The following ERMARD variants were observed in gnomAD, a reference collection of about 807,000 sequenced individuals.
ERMARD encodes the protein ER membrane associated RNA degradation.
A neutral mutation model predicts 83.9 loss-of-function variants in ERMARD; 71 were observed. The observed-to-expected ratio is 0.85, with a 90% confidence interval of 0.70 to 1.03. ERMARD has a LOEUF of 1.03. ERMARD is among the 50% of genes least tolerant of loss of function. The pLI is 0.00. For synonymous variants in ERMARD, 284 were observed against 298.6 expected (o/e 0.95, Z 0.50); for missense variants, 838 against 810.9 (o/e 1.03, Z -0.41).
At chr6:169,773,292 T>C (rs1328052633) in intron 12 of ERMARD, 27 bp from the exon 13 acceptor site, 2 of 1,607,432 alleles carry the variant, frequency 1.2e-6, no homozygotes, top group South Asian at 2.2e-5. Context: ...CCAAACATGA[T>C]AGTAACCACT....
chr6:169,767,943 C>A, intron 10 of ERMARD, 160 bp from the exon 11 acceptor site: 1 of 616,406 alleles, frequency 1.6e-6, no homozygotes, highest in Non-Finnish European at 2.9e-6. Context: ...GAAAATATTT[C>A]CTGAACACCT....
chr6:169,777,806 A>G (rs1444645915), intron 16 of ERMARD, among the ~76,000 whole-genome samples: 1 of 150,778 alleles, frequency 6.6e-6, no homozygotes, highest in Non-Finnish European at 1.5e-5. Flanking sequence ...CAGCGCCAAC[A>G]GGAACAAATG....
upstream of ERMARD, chr6:169,751,387 C>A: frequency 4.3e-6 from 7 of 1,614,184 alleles, no homozygotes; most frequent in Non-Finnish European, 5.1e-6. Context: ...TAGGCGTCAC[C>A]GGAGCCTGCT....
intron 12 of ERMARD, 22 bp downstream of exon 12, chr6:169,769,735 C>A (rs1792671508): frequency 6.4e-7 from 1 of 1,555,698 alleles, no homozygotes; most frequent in Non-Finnish European, 8.7e-7. Flanking sequence ...GGAAGAAAAT[C>A]ATTAATTAGA....
chr6:169,751,308 G>C (rs766232192), upstream of ERMARD: 1 of 1,603,406 alleles, frequency 6.2e-7, no homozygotes. Context: ...GGACATAGCC[G>C]TCTCGGGCCC....
At chr6:169,752,174 T>C (rs1435997752) in intron 1 of ERMARD, among the ~76,000 whole-genome samples, 6 of 152,204 alleles carry the variant, frequency 3.9e-5, no homozygotes, top group African/African-American at 1.4e-4. Context: ...TGAGCCGAGA[T>C]CGCGCCACTG....
chr6:169,764,122 A>G (rs574448737), intron 9 of ERMARD, among the ~76,000 whole-genome samples: 1 of 152,308 alleles, frequency 6.6e-6, no homozygotes, highest in East Asian at 1.9e-4. Context: ...GTTTCCACCC[A>G]GCTGACCTTG....
intron 16 of ERMARD, among the ~76,000 whole-genome samples, chr6:169,778,038 C>T (rs375676741): frequency 1.3e-5 from 2 of 152,176 alleles, no homozygotes; most frequent in African/African-American, 2.4e-5. Context: ...CGTCGCAGGA[C>T]GAGTCACACA....
intron 12 of ERMARD, among the ~76,000 whole-genome samples, chr6:169,769,939 C>A (rs1792692436): frequency 6.6e-6 from 1 of 152,122 alleles, no homozygotes; most frequent in African/African-American, 2.4e-5. Context: ...TTCTTAAAAA[C>A]ACATTTGCTT....
intron 9 of ERMARD, among the ~76,000 whole-genome samples, chr6:169,766,293 T>C (rs1792198832): frequency 6.6e-6 from 1 of 152,206 alleles, no homozygotes; most frequent in Admixed American, 6.5e-5. Context: ...GAAGCTGTGC[T>C]CCCTTGTGCA....
At position 169,751,785 on chromosome 6, in the gene ERMARD, G is replaced by A; in HGVS notation, c.6+122G>A. 3 of 1,332,058 alleles carry A rather than the reference G, an allele frequency of 2.3e-6. No homozygotes were observed. The South Asian group carries it at 4.9e-5, about 22-fold the overall frequency. The allele number at this position is 1,332,058 out of a possible 1,614,324, so 82.5% of individuals were successfully genotyped here. On this transcript the variant is annotated intron_variant, in intron 1 of 17. Coordinates refer to ENST00000366773, the MANE Select transcript of ERMARD (RefSeq NM_018341.3). ...CGCGCCTGCGGTGGCCGGCGGTCCC[G>A]CGCTGGAGGGCGCTGGCGACGTCGC...
At position 169,756,721 on chromosome 6, in the gene ERMARD, A is replaced by G; in HGVS notation, c.420A>G (p.Val140=). The change falls in exon 5 of 18, where the codon GTA becomes GTG. Residue 140 remains valine, a splice_region_variant and synonymous_variant. Coordinates refer to ENST00000366773, the MANE Select transcript of ERMARD (RefSeq NM_018341.3). ...CACAATTTTTGTTTGAATTTTAGGT[A>G]TTTTTACTGATTGGGAAGGAATGCC... The part of the protein sequence containing the change: ...TSCLERALGD[V]FLLIGKECPF... The G allele has an allele frequency of 6.2e-7, 1 of 1,613,544 alleles. No homozygotes were observed. Among genetic ancestry groups the G allele is most frequent in the Non-Finnish European group, 8.5e-7 (1 of 1,179,808 alleles).
Position 169,758,953 on chromosome 6 carries a change from T to C in ERMARD, c.508-15T>C, listed in dbSNP as rs1791173232. On this transcript the variant is annotated splice_polypyrimidine_tract_variant and intron_variant, in intron 5 of 17. Transcript: ENST00000366773. ...TAATTCAGTATAATTAACTATGTAA[T>C]GATTTGCGGATTAGATGAATGTGCT... 2 of 1,602,746 alleles carry C rather than the reference T, an allele frequency of 1.2e-6. No homozygotes were observed. The highest frequency in any genetic ancestry group is 1.7e-6 in the Non-Finnish European group (2 of 1,172,648).
At chr6:169,773,804 A>G (rs1489859791) in intron 13 of ERMARD, among the ~76,000 whole-genome samples, 1 of 152,188 alleles carries the variant, frequency 6.6e-6, no homozygotes. Flanking sequence ...TACTGAGACA[A>G]ACAATTTTTT....
intron 1 of ERMARD, 80 bp downstream of exon 1, chr6:169,751,743 G>C (rs1790129197): frequency 3.4e-6 from 5 of 1,458,458 alleles, no homozygotes; most frequent in South Asian, 2.8e-5. Context: ...CGGCTACGCG[G>C]AGTGGGCGAG....
rs540288101 is a variant in ERMARD, at chr6:169,763,392, A to G, written c.960+861A>G. Among the ~76,000 whole-genome samples the G allele has an allele frequency of 1.7e-4, 26 of 152,334 alleles. No individual in the cohort carries two copies. In the South Asian group the frequency reaches 4.8e-3, roughly 28 times the overall value. On this transcript the variant is annotated intron_variant, in intron 9 of 17. Coordinates refer to ENST00000366773, the MANE Select transcript of ERMARD (RefSeq NM_018341.3). ...CTGGCTCCAGCCGGCTGTGTCAGCC[A>G]TCACATCTGCTTTCCAGCCAGCAGG...
chr6:169,766,574 C>A, intron 9 of ERMARD, 64 bp from the exon 10 acceptor site: 1 of 1,362,554 alleles, frequency 7.3e-7, no homozygotes, highest in Non-Finnish European at 9.9e-7. Flanking sequence ...TCTTATTTTG[C>A]ATAGTGTTAG....
intron 11 of ERMARD, among the ~76,000 whole-genome samples, chr6:169,769,116 A>T (rs112091509): frequency 0.018 from 2,680 of 152,302 alleles, 77 homozygotes; most frequent in African/African-American, 0.061. Flanking sequence ...CTTTTCCCTA[A>T]AACCTGTGGG....
chr6:169,751,882 G>C, intron 1 of ERMARD: 3 of 631,274 alleles, frequency 4.8e-6, no homozygotes, highest in Middle Eastern at 4.6e-4. Flanking sequence ...CGGCCTCCCT[G>C]GGCCAGGCTC....
Sources: gnomAD v4.1 joint callset for allele counts (sites outside exome capture counted in the v4.1 genomes callset) on GRCh38, gnomAD v4.1.1 for gene constraint, MANE v1.5 for transcripts, NCBI Gene and HGNC (gene_info 2026-07-23, HGNC 2026-07-21) for gene names.